The following GAREM1 variants were observed in gnomAD, a reference collection of about 807,000 sequenced individuals.
GAREM1 encodes the protein GRB2 associated regulator of MAPK1 subtype 1, also known as GRB2-associated and regulator of MAPK protein 1.
Under a neutral mutation model 71.3 loss-of-function variants are expected in GAREM1, and 26 were observed. The ratio of observed to expected loss-of-function variants is 0.36; its 90% CI spans 0.27 to 0.51. The LOEUF (loss-of-function observed/expected upper bound fraction) is 0.51, where lower values mean the gene tolerates loss of function less well. GAREM1 is among the 20% of genes least tolerant of loss of function. The probability of loss-of-function intolerance (pLI) is 0.95; values close to 1 mark genes in which losing one functional copy is unlikely to be tolerated. For missense variants in GAREM1, 1,026 were observed against 1,103.1 expected (o/e 0.93, Z 0.99); for synonymous variants, 440 against 433.2 (o/e 1.02, Z -0.20).
intron 1 of GAREM1, among the ~76,000 whole-genome samples, chr18:32,405,888 C>G (rs769835015): frequency 6.6e-6 from 1 of 152,204 alleles, no homozygotes; most frequent in Non-Finnish European, 1.5e-5. Context: ...GTAAGAAATA[C>G]CATTCTACTG....
intron 2 of GAREM1, among the ~76,000 whole-genome samples, chr18:32,339,041 C>G (rs1490134596): frequency 6.6e-6 from 1 of 152,180 alleles, no homozygotes; most frequent in Non-Finnish European, 1.5e-5. Flanking sequence ...TGCTAGGTCT[C>G]TATCCAGCAC....
At chr18:32,410,641 G>A (rs2048407341) in intron 1 of GAREM1, among the ~76,000 whole-genome samples, 1 of 152,056 alleles carries the variant, frequency 6.6e-6, no homozygotes, top group African/African-American at 2.4e-5. Context: ...TTAACTATAT[G>A]ATTATGGGCA....
chr18:32,355,758 G>A (rs1261903376), intron 2 of GAREM1, among the ~76,000 whole-genome samples: 1 of 152,034 alleles, frequency 6.6e-6, no homozygotes, highest in Non-Finnish European at 1.5e-5. Flanking sequence ...AAAAGAAATG[G>A]AAGATTTTTA....
Position 32,412,426 on chromosome 18 carries a change from C to A in GAREM1, c.122-19391G>T, listed in dbSNP as rs921001265. 3.8e-6 allele frequency: 6 copies of A among 1,586,516 alleles called. No individual in the cohort carries two copies. The African/African-American group carries it at 5.4e-5, about 14-fold the overall frequency. The stretch of plus-strand genomic sequence containing the variant: ...CTTCCACCACCTCCAAAATTGCTTC[C>A]ATCATTACCAAATCCATTAGAGCCA... On this transcript the variant is annotated intron_variant, in intron 1 of 5. Transcript: ENST00000269209.
chr18:32,366,286 G>T (rs2047927863), intron 2 of GAREM1, among the ~76,000 whole-genome samples: 1 of 152,000 alleles, frequency 6.6e-6, no homozygotes, highest in East Asian at 1.9e-4. Flanking sequence ...ACCTTACATT[G>T]TAACAGTAAA....
chr18:32,334,725 A>G (rs1021531285), intron 2 of GAREM1, among the ~76,000 whole-genome samples: 3 of 152,182 alleles, frequency 2.0e-5, no homozygotes, highest in Non-Finnish European at 4.4e-5. Flanking sequence ...AGGATATCCT[A>G]ATTTTGTCTA....
chr18:32,363,478 T>C (rs1048857079), intron 2 of GAREM1, among the ~76,000 whole-genome samples: 3 of 152,182 alleles, frequency 2.0e-5, no homozygotes, highest in African/African-American at 4.8e-5. Flanking sequence ...CTAAAATAGA[T>C]ACAATTTCTT....
chr18:32,301,674 T>C (rs148129795), intron 3 of GAREM1, among the ~76,000 whole-genome samples: 308 of 152,328 alleles, frequency 2.0e-3, no homozygotes, highest in African/African-American at 7.3e-3. Context: ...ATGGACCTGA[T>C]TGAGAACCTG....
intron 4 of GAREM1, among the ~76,000 whole-genome samples, chr18:32,271,353 C>T (rs563303303): frequency 5.9e-5 from 9 of 152,120 alleles, no homozygotes; most frequent in East Asian, 1.9e-4. Context: ...CCATCATGCC[C>T]GGCTAATTTT....
chr18:32,407,492 A>T (rs1203872247), intron 1 of GAREM1, among the ~76,000 whole-genome samples: 1 of 152,152 alleles, frequency 6.6e-6, no homozygotes, highest in Non-Finnish European at 1.5e-5. Flanking sequence ...CTGTATACAA[A>T]TTCATGTCAT....
chr18:32,398,738 A>C (rs2048282433), intron 1 of GAREM1, among the ~76,000 whole-genome samples: 1 of 152,192 alleles, frequency 6.6e-6, no homozygotes, highest in Admixed American at 6.5e-5. Context: ...TACCAGAGGT[A>C]CAAGGAGGAG....
At chr18:32,268,791 GA>G in intron 5 of GAREM1, 23 bp from the exon 6 acceptor site, 1 of 1,594,230 alleles carries the variant, frequency 6.3e-7, no homozygotes, top group Non-Finnish European at 8.6e-7. Flanking sequence ...CACAGAAGGA[GA>G]AATCAGTTAA....
In GAREM1 at chr18:32,314,541, C is replaced by T. The variant is rs150615730; in HGVS notation, c.263-4218G>A. On this transcript the variant is annotated intron_variant, in intron 2 of 5. Transcript: ENST00000269209. ...ATTCAACAACTCCTAGCTTCTATTC[C>T]TCTTCTCAAGATGCATACAGATTGT... is the stretch of plus-strand genomic sequence containing the variant. 1.3e-3 allele frequency among the ~76,000 whole-genome samples: 194 copies of T among 152,026 alleles called. 1 individual carries two copies. Among genetic ancestry groups the T allele is most frequent in the African/African-American group, 4.0e-3 (165 of 41,480 alleles).
At chr18:32,391,079 T>G (rs190462059) in intron 2 of GAREM1, among the ~76,000 whole-genome samples, 21 of 152,246 alleles carry the variant, frequency 1.4e-4, no homozygotes, top group African/African-American at 4.1e-4. Flanking sequence ...AAAAGGTAAT[T>G]GAATGAAGAC....
chr18:32,383,588 T>C (rs1036320544), intron 2 of GAREM1, among the ~76,000 whole-genome samples: 1 of 152,210 alleles, frequency 6.6e-6, no homozygotes, highest in Non-Finnish European at 1.5e-5. Flanking sequence ...ACAAGCACTT[T>C]CCCACCCATG....
chr18:32,418,993 T>C (rs1488455491), intron 1 of GAREM1, among the ~76,000 whole-genome samples: 1 of 152,234 alleles, frequency 6.6e-6, no homozygotes, highest in Non-Finnish European at 1.5e-5. Flanking sequence ...GTCAGCTGGC[T>C]GCATTCTCAT....
At chr18:32,311,033 T>C (rs1160736629) in intron 2 of GAREM1, among the ~76,000 whole-genome samples, 1 of 152,214 alleles carries the variant, frequency 6.6e-6, no homozygotes, top group Admixed American at 6.5e-5. Flanking sequence ...ATGAAATTCA[T>C]GCGAGTAGGC....
intron 2 of GAREM1, among the ~76,000 whole-genome samples, chr18:32,388,907 C>A (rs2048171441): frequency 6.6e-6 from 1 of 152,192 alleles, no homozygotes; most frequent in Non-Finnish European, 1.5e-5. Flanking sequence ...ATTAAATGTA[C>A]TGAATTTGCT....
intron 2 of GAREM1, among the ~76,000 whole-genome samples, chr18:32,370,575 T>G (rs1161255626): frequency 6.6e-6 from 1 of 152,256 alleles, no homozygotes; most frequent in Non-Finnish European, 1.5e-5. Context: ...CTTGTGTATT[T>G]GAAATTCCAA....
Sources: allele counts gnomAD v4.1 joint callset (sites outside exome capture counted in the v4.1 genomes callset), GRCh38; gene constraint gnomAD v4.1.1; transcripts MANE v1.5; gene names NCBI Gene and HGNC (gene_info 2026-07-23, HGNC 2026-07-21).